Variants in ROBO2 observed in about 807,000 individuals in gnomAD.
ROBO2 encodes the protein roundabout guidance receptor 2.
Under a neutral mutation model 160.8 loss-of-function variants are expected in ROBO2, and 53 were observed. The ratio of observed to expected loss-of-function variants is 0.33; its 90% CI spans 0.26 to 0.41. ROBO2 has a LOEUF of 0.41. Among genes scored for constraint, ROBO2 ranks in the 10% least tolerant of loss-of-function variants. ROBO2 has a pLI of 1.00. For synonymous variants in ROBO2, 664 were observed against 611.7 expected (o/e 1.09, Z -1.26); for missense variants, 1,577 against 1,722.4 (o/e 0.92, Z 1.49).
intron 2 of ROBO2, among the ~76,000 whole-genome samples, chr3:76,240,377 G>T (rs1705213792): frequency 6.6e-6 from 1 of 151,962 alleles, no homozygotes; most frequent in African/African-American, 2.4e-5. Context: ...AGAACATGCG[G>T]TGTTTGGCTA....
intron 2 of ROBO2, among the ~76,000 whole-genome samples, chr3:76,965,921 C>CTTTTTT (rs1168083048): frequency 4.4e-5 from 5 of 114,116 alleles, no homozygotes; most frequent in Non-Finnish European, 7.1e-5. Context: ...GGCATATTTT[C>CTTTTTT]TTTTTTTTTT....
chr3:77,160,412 A>G (rs551942956), intron 2 of ROBO2, among the ~76,000 whole-genome samples: 2 of 152,288 alleles, frequency 1.3e-5, no homozygotes, highest in East Asian at 1.9e-4. Context: ...GATAAATTGT[A>G]TTTATGCAAT....
At chr3:76,548,173 C>G (rs1346918231) in intron 2 of ROBO2, among the ~76,000 whole-genome samples, 1 of 151,976 alleles carries the variant, frequency 6.6e-6, no homozygotes, top group Non-Finnish European at 1.5e-5. Flanking sequence ...TTCTATCTCC[C>G]AAGAGGAAAG....
intron 2 of ROBO2, among the ~76,000 whole-genome samples, chr3:77,219,971 A>T (rs773120357): frequency 6.6e-6 from 1 of 151,760 alleles, no homozygotes; most frequent in Non-Finnish European, 1.5e-5. Context: ...TTTGTTCAGA[A>T]CATGGCTTCA....
chr3:76,360,150 C>A (rs1006074033), intron 2 of ROBO2, among the ~76,000 whole-genome samples: 1 of 151,986 alleles, frequency 6.6e-6, no homozygotes, highest in Non-Finnish European at 1.5e-5. Flanking sequence ...TGATGAGAAG[C>A]CAATTTATGA....
At chr3:76,583,630 AT>A (rs1484939755) in intron 2 of ROBO2, among the ~76,000 whole-genome samples, 1 of 152,064 alleles carries the variant, frequency 6.6e-6, no homozygotes, top group Non-Finnish European at 1.5e-5. Flanking sequence ...TGTCTCTTCA[AT>A]AACCGCTCCC....
At chr3:76,730,091 T>G (rs2093611609) in intron 2 of ROBO2, among the ~76,000 whole-genome samples, 1 of 152,086 alleles carries the variant, frequency 6.6e-6, no homozygotes, top group African/African-American at 2.4e-5. Flanking sequence ...TCCTTTCTGA[T>G]CATTCCCACG....
chr3:76,990,588 C>T (rs888355836), intron 2 of ROBO2, among the ~76,000 whole-genome samples: 3 of 152,130 alleles, frequency 2.0e-5, no homozygotes, highest in Admixed American at 1.3e-4. Context: ...CCCTCTGGCC[C>T]CCCAACACAC....
intron 19 of ROBO2, among the ~76,000 whole-genome samples, chr3:77,599,831 C>G (rs2094396308): frequency 1.3e-5 from 2 of 152,102 alleles, no homozygotes; most frequent in South Asian, 4.1e-4. Flanking sequence ...TGCTTACTCT[C>G]TTCAAAACAC....
chr3:76,822,822 T>G (rs1212054300), intron 2 of ROBO2, among the ~76,000 whole-genome samples: 1 of 152,058 alleles, frequency 6.6e-6, no homozygotes, highest in African/African-American at 2.4e-5. Context: ...CCTGTTCTTT[T>G]TACTTTTATT....
chr3:77,019,460 A>G (rs2149497958), intron 2 of ROBO2, among the ~76,000 whole-genome samples: 1 of 152,336 alleles, frequency 6.6e-6, no homozygotes, highest in Non-Finnish European at 1.5e-5. Flanking sequence ...TGGGGGAGAC[A>G]CAAACATGCA....
intron 2 of ROBO2, among the ~76,000 whole-genome samples, chr3:76,430,031 C>A (rs1025536800): frequency 6.6e-6 from 1 of 152,118 alleles, no homozygotes; most frequent in Non-Finnish European, 1.5e-5. Context: ...TTGTTCACTG[C>A]ACCAATAGCA....
chr3:76,141,149 CTCTCTCTCTCTATATATATA>C (rs1490700567), intron 2 of ROBO2, among the ~76,000 whole-genome samples: 45 of 51,170 alleles, frequency 8.8e-4, no homozygotes, highest in Admixed American at 1.2e-3. Flanking sequence ...CTCTCTCTCT[CTCTCTCTCTCTATATATATA>C]TATATATATA....
intron 2 of ROBO2, among the ~76,000 whole-genome samples, chr3:75,941,475 A>G (rs1274066175): frequency 6.6e-6 from 1 of 152,222 alleles, no homozygotes; most frequent in East Asian, 1.9e-4. Context: ...AATTTTAAAC[A>G]TTATCATGAA....
chr3:76,106,006 CCATTT>C (rs1338107136), intron 2 of ROBO2, among the ~76,000 whole-genome samples: 41 of 152,106 alleles, frequency 2.7e-4, no homozygotes, highest in Non-Finnish European at 4.9e-4. Flanking sequence ...AATGTATACA[CCATTT>C]CATTTCAGGT....
chr3:77,550,769 T>C (rs958121990), intron 7 of ROBO2, 49 bp from the exon 9 acceptor site: 12 of 1,595,356 alleles, frequency 7.5e-6, no homozygotes, highest in Non-Finnish European at 1.0e-5. Flanking sequence ...TTCACATAAT[T>C]TTTTTAAGTG....
chr3:76,121,309 A>C (rs551590617), intron 2 of ROBO2, among the ~76,000 whole-genome samples: 1 of 152,286 alleles, frequency 6.6e-6, no homozygotes, highest in African/African-American at 2.4e-5. Flanking sequence ...GTTCAACATA[A>C]TAAAGAAATA....
At chr3:76,327,874 GT>G (rs1212915346) in intron 2 of ROBO2, among the ~76,000 whole-genome samples, 1 of 151,568 alleles carries the variant, frequency 6.6e-6, no homozygotes, top group African/African-American at 2.4e-5. Flanking sequence ...TCAGAAGAAT[GT>G]GAAAAAAAAA....
At chr3:76,529,697 ACTTGAT>A (rs1176457057) in intron 2 of ROBO2, among the ~76,000 whole-genome samples, 1 of 152,128 alleles carries the variant, frequency 6.6e-6, no homozygotes, top group African/African-American at 2.4e-5. Flanking sequence ...GACAGAAAAA[ACTTGAT>A]CTTGATAATT....
Sources: gnomAD v4.1 joint callset for allele counts (sites outside exome capture counted in the v4.1 genomes callset) on GRCh38, gnomAD v4.1.1 for gene constraint, MANE v1.5 for transcripts, NCBI Gene and HGNC (gene_info 2026-07-23, HGNC 2026-07-21) for gene names.